Variants in WWTR1 observed in about 807,000 individuals in gnomAD.
WWTR1 encodes WW domain containing transcription regulator 1, also known as WW domain-containing transcription regulator protein 1.
WWTR1 carries 13 observed loss-of-function variants against 40.1 expected under a neutral mutation model. That is an observed-to-expected ratio of 0.32 (90% confidence interval 0.21 to 0.52). WWTR1 has a LOEUF of 0.52. Ranked by LOEUF, WWTR1 falls within the 20% of genes least tolerant of loss-of-function variation. The pLI, the probability that WWTR1 is intolerant of heterozygous loss-of-function variation, is 0.97. For synonymous variants in WWTR1, 230 were observed against 210.1 expected (o/e 1.09, Z -0.82); for missense variants, 436 against 523.1 (o/e 0.83, Z 1.63).
chr3:149,663,360 C>T (rs1713669327), intron 2 of WWTR1, among the ~76,000 whole-genome samples: 1 of 152,060 alleles, frequency 6.6e-6, no homozygotes. Flanking sequence ...TCTTGCCTCC[C>T]CAACTGGACT....
chr3:149,560,551 A>T (rs1576560247), intron 3 of WWTR1, among the ~76,000 whole-genome samples: 1 of 152,330 alleles, frequency 6.6e-6, no homozygotes, highest in South Asian at 2.1e-4. Context: ...GATACGGCAG[A>T]AATTAAGAGA....
At chr3:149,683,823 T>A (rs1202367125) in intron 1 of WWTR1, among the ~76,000 whole-genome samples, 1 of 152,138 alleles carries the variant, frequency 6.6e-6, no homozygotes, top group Non-Finnish European at 1.5e-5. Flanking sequence ...CATGACAGCA[T>A]GCAATGTCCA....
intron 2 of WWTR1, among the ~76,000 whole-genome samples, chr3:149,645,301 G>C (rs556857196): frequency 1.3e-4 from 20 of 151,352 alleles, no homozygotes; most frequent in Admixed American, 2.6e-4. Flanking sequence ...GGATGGTCTT[G>C]ATCTCCTGAC....
At chr3:149,542,678 T>A in intron 3 of WWTR1, 141 bp from the exon 4 acceptor site, 1 of 870,668 alleles carries the variant, frequency 1.1e-6, no homozygotes, top group Non-Finnish European at 1.7e-6. Flanking sequence ...CATTACTGTT[T>A]AAGTAATTAT....
chr3:149,651,931 A>G (rs2108151512), intron 2 of WWTR1, among the ~76,000 whole-genome samples: 1 of 141,736 alleles, frequency 7.1e-6, no homozygotes, highest in Non-Finnish European at 1.5e-5. Context: ...CGGGGTTCAC[A>G]CCATTCTCCT....
chr3:149,667,547 CAAAAA>C (rs10611956), intron 2 of WWTR1, among the ~76,000 whole-genome samples: 2 of 137,450 alleles, frequency 1.5e-5, no homozygotes, highest in African/African-American at 2.7e-5. Flanking sequence ...GACTCCATCT[CAAAAA>C]AAAAAAAAAA....
chr3:149,540,964 A>C, intron 4 of WWTR1: 1 of 450,556 alleles, frequency 2.2e-6, no homozygotes, highest in Non-Finnish European at 4.5e-6. Flanking sequence ...CATGGAAGTC[A>C]ATGTGTATTT....
chr3:149,527,878 A>G lies in WWTR1; in HGVS notation c.863T>C (p.Met288Thr). Reference protein sequence around the residue: ...AVNPPTMTPDMRSITNNSSDP... With the variant: ...AVNPPTMTPDTRSITNNSSDP... ...TGAGCTATTATTAGTGATGGATCTC[A>G]TGTCTGGGGTCATCGTGGGTGGGTT... The change falls in exon 5 of 7, where the codon ATG (methionine) becomes ACG (threonine). Residue 288 changes from methionine to threonine, a missense_variant. Coordinates refer to ENST00000360632, the MANE Select transcript of WWTR1 (RefSeq NM_015472.6). 6.2e-7 allele frequency: 1 copy of G among 1,614,126 alleles called. No homozygotes were observed. Among genetic ancestry groups the G allele is most frequent in the Non-Finnish European group, 8.5e-7 (1 of 1,179,998 alleles).
chr3:149,540,879 C>T, intron 4 of WWTR1: 4 of 318,052 alleles, frequency 1.3e-5, no homozygotes, highest in East Asian at 1.6e-4. Context: ...TTTAATTTAC[C>T]ATGCATTTTA....
intron 5 of WWTR1, among the ~76,000 whole-genome samples, chr3:149,716,834 T>C (rs573100197): frequency 6.6e-6 from 1 of 152,092 alleles, no homozygotes; most frequent in East Asian, 1.9e-4. Context: ...TAAGGACAGA[T>C]CTACAGAGAA....
intron 2 of WWTR1, among the ~76,000 whole-genome samples, chr3:149,589,660 T>TA (rs1738604511): frequency 6.6e-6 from 1 of 151,616 alleles, no homozygotes; most frequent in South Asian, 2.1e-4. Flanking sequence ...TTTTTTTTTT[T>TA]AATGGTGTTA....
chr3:149,640,349 C>T (rs1712098072), intron 2 of WWTR1, among the ~76,000 whole-genome samples: 1 of 152,180 alleles, frequency 6.6e-6, no homozygotes, highest in Admixed American at 6.6e-5. Context: ...GTTTCTATGG[C>T]TTGCATCTCT....
intron 2 of WWTR1, among the ~76,000 whole-genome samples, chr3:149,665,963 T>C (rs558113674): frequency 6.6e-6 from 1 of 152,158 alleles, no homozygotes; most frequent in Non-Finnish European, 1.5e-5. Context: ...ATATTATCCA[T>C]CCATTCAACA....
intron 1 of WWTR1, among the ~76,000 whole-genome samples, chr3:149,695,351 A>G (rs941496677): frequency 9.2e-5 from 14 of 152,320 alleles, no homozygotes; most frequent in Non-Finnish European, 1.6e-4. Context: ...GCTTGAGGTG[A>G]TGATACCCCA....
chr3:149,701,300 C>T (rs1156477032), intron 1 of WWTR1, among the ~76,000 whole-genome samples: 3 of 152,144 alleles, frequency 2.0e-5, no homozygotes, highest in Admixed American at 6.5e-5. Flanking sequence ...TTGTGAAAAT[C>T]GGTTTTGTAT....
At chr3:149,576,029 C>T in intron 2 of WWTR1, 2 of 456,748 alleles carry the variant, frequency 4.4e-6, no homozygotes, top group South Asian at 3.1e-5. Flanking sequence ...AAAAGTGTCA[C>T]TCACAGCATT....
intron 6 of WWTR1, among the ~76,000 whole-genome samples, chr3:149,523,898 C>T (rs914950189): frequency 2.6e-5 from 4 of 152,218 alleles, no homozygotes; most frequent in African/African-American, 9.7e-5. Context: ...AATGAGCTGA[C>T]TCTAACTTAA....
intron 2 of WWTR1, among the ~76,000 whole-genome samples, chr3:149,604,978 T>G (rs1165495407): frequency 1.3e-5 from 2 of 152,236 alleles, no homozygotes; most frequent in Non-Finnish European, 2.9e-5. Flanking sequence ...GTAGTGAGAT[T>G]CATGGATAGG....
At chr3:149,644,628 T>C (rs1376698035) in intron 2 of WWTR1, among the ~76,000 whole-genome samples, 1 of 152,170 alleles carries the variant, frequency 6.6e-6, no homozygotes, top group Non-Finnish European at 1.5e-5. Context: ...GGTCCTGAGG[T>C]TATGTGAGGC....
Sources: allele counts gnomAD v4.1 joint callset (sites outside exome capture counted in the v4.1 genomes callset), GRCh38; gene constraint gnomAD v4.1.1; transcripts MANE v1.5; gene names NCBI Gene and HGNC (gene_info 2026-07-23, HGNC 2026-07-21).